The following FAM117A variants were observed in gnomAD, a reference collection of about 807,000 sequenced individuals.
The protein encoded by FAM117A is protein FAM117A.
Under a neutral mutation model 44.1 loss-of-function variants are expected in FAM117A, and 21 were observed. The ratio of observed to expected loss-of-function variants is 0.48; its 90% CI spans 0.34 to 0.69. FAM117A has a LOEUF of 0.69. Ranked by LOEUF, FAM117A falls within the 30% of genes least tolerant of loss-of-function variation. The pLI is 0.01. For synonymous variants in FAM117A, 220 were observed against 238.3 expected (o/e 0.92, Z 0.71); for missense variants, 498 against 589.9 (o/e 0.84, Z 1.61).
Position 49,737,476 on chromosome 17 carries a change from A to G in FAM117A, c.197-4756T>C, listed in dbSNP as rs190418441. ...GCAAGTGATTGGCATAAGGGGTAGG[A>G]TCTCATAATCCTAAAGGCTGCTTCA... is the stretch of plus-strand genomic sequence containing the variant. On this transcript the variant is annotated intron_variant, in intron 1 of 7. Coordinates refer to ENST00000240364, the MANE Select transcript of FAM117A (RefSeq NM_030802.4). Among the ~76,000 whole-genome samples the G allele has an allele frequency of 3.7e-3, 558 of 152,308 alleles. 6 individuals are homozygous for G. Among genetic ancestry groups the G allele is most frequent in the African/African-American group, 0.013 (535 of 41,572 alleles).
At chr17:49,785,110 A>G (rs2073802007) in intron 1 of FAM117A, among the ~76,000 whole-genome samples, 4 of 152,254 alleles carry the variant, frequency 2.6e-5, no homozygotes, top group Admixed American at 1.3e-4. Context: ...CATGTCAGGA[A>G]CTGTGCAAAG....
intron 1 of FAM117A, among the ~76,000 whole-genome samples, chr17:49,774,790 C>A (rs1413219370): frequency 6.6e-6 from 1 of 152,150 alleles, no homozygotes; most frequent in Admixed American, 6.5e-5. Flanking sequence ...TTGATGCTAA[C>A]GGTCCTGCAG....
At chr17:49,741,271 GTTTT>G (rs925346350) in intron 1 of FAM117A, among the ~76,000 whole-genome samples, 1 of 152,048 alleles carries the variant, frequency 6.6e-6, no homozygotes, top group African/African-American at 2.4e-5. Context: ...CATTTCCCCT[GTTTT>G]TTGTTTTTAT....
chr17:49,728,078 G>C (rs1015756597), intron 2 of FAM117A, among the ~76,000 whole-genome samples: 1 of 152,264 alleles, frequency 6.6e-6, no homozygotes, highest in African/African-American at 2.4e-5. Context: ...TGGCCCTACA[G>C]TGACTATGCA....
intron 1 of FAM117A, among the ~76,000 whole-genome samples, chr17:49,763,348 G>C (rs1165855542): frequency 6.6e-6 from 1 of 152,078 alleles, no homozygotes; most frequent in East Asian, 1.9e-4. Context: ...GGCATAAAGG[G>C]AAGCGCACGT....
chr17:49,736,117 T>C (rs1804570457), intron 1 of FAM117A, among the ~76,000 whole-genome samples: 2 of 152,240 alleles, frequency 1.3e-5, no homozygotes, highest in African/African-American at 2.4e-5. Flanking sequence ...CTTTACAATT[T>C]AAAATGGGAT....
At chr17:49,723,863 C>T (rs557378883) in intron 2 of FAM117A, among the ~76,000 whole-genome samples, 14 of 152,182 alleles carry the variant, frequency 9.2e-5, no homozygotes, top group Admixed American at 7.9e-4. Context: ...CGCAACATAG[C>T]CAGGGTGAGA....
intron 1 of FAM117A, among the ~76,000 whole-genome samples, chr17:49,750,496 C>T (rs754331154): frequency 6.6e-6 from 1 of 151,300 alleles, no homozygotes; most frequent in Admixed American, 6.6e-5. Context: ...TATTACTGGC[C>T]GGGCATGGTG....
At chr17:49,780,437 G>C (rs1485065375) in intron 1 of FAM117A, among the ~76,000 whole-genome samples, 1 of 152,172 alleles carries the variant, frequency 6.6e-6, no homozygotes, top group African/African-American at 2.4e-5. Context: ...GGTAAGGGCA[G>C]TGGCGTGATC....
At chr17:49,751,564 G>A (rs1212623744) in intron 1 of FAM117A, among the ~76,000 whole-genome samples, 1 of 151,886 alleles carries the variant, frequency 6.6e-6, no homozygotes, top group Non-Finnish European at 1.5e-5. Flanking sequence ...TGGCAACAGA[G>A]TGAGACTCGG....
chr17:49,774,298 G>A (rs1004824995), intron 1 of FAM117A, among the ~76,000 whole-genome samples: 2 of 150,942 alleles, frequency 1.3e-5, no homozygotes, highest in African/African-American at 2.4e-5. Context: ...ACAGGCAGTC[G>A]CCACACCTGG....
chr17:49,730,405 C>T (rs1175570812), intron 2 of FAM117A, among the ~76,000 whole-genome samples: 1 of 152,230 alleles, frequency 6.6e-6, no homozygotes, highest in Non-Finnish European at 1.5e-5. Flanking sequence ...GGGCCCATGC[C>T]TCTAAACTCA....
intron 1 of FAM117A, among the ~76,000 whole-genome samples, chr17:49,782,293 C>T (rs913044368): frequency 1.4e-5 from 2 of 140,866 alleles, no homozygotes; most frequent in African/African-American, 5.3e-5. Context: ...AGGAAAATGG[C>T]ATGAACCTGG....
intron 1 of FAM117A, among the ~76,000 whole-genome samples, chr17:49,733,534 G>A (rs1204793741): frequency 2.0e-5 from 3 of 152,000 alleles, no homozygotes; most frequent in African/African-American, 4.8e-5. Flanking sequence ...TTAGCCGGGC[G>A]TGGTGGAGGG....
Position 49,763,975 on chromosome 17 carries a change from CG to C in FAM117A, c.112del (p.Arg38GlyfsTer93), listed in dbSNP as rs1328755906. 5 of 1,222,250 alleles carry C rather than the reference CG, an allele frequency of 4.1e-6. No individual in the cohort carries two copies. Among genetic ancestry groups the C allele is most frequent in the Non-Finnish European group, 4.1e-6 (4 of 982,268 alleles). The allele number at this position is 1,222,250 out of a possible 1,614,324, so 75.7% of individuals were successfully genotyped here. A position where few individuals can be genotyped will look rare whatever the true frequency, so the allele number is the denominator to read the frequency against. On this transcript the variant is annotated frameshift_variant, in exon 1 of 8. Transcript: ENST00000240364. LOFTEE classifies it high-confidence loss of function. ...GGCCCTGAGCGGCTGCAGCCCAGCCCGGGGGGAGCCGGCGGGGGCTGGGGGA... is the reference window on the plus strand; with the variant it reads ...GGCCCTGAGCGGCTGCAGCCCAGCCCGGGGGAGCCGGCGGGGGCTGGGGGA... ...CSPPAPAGSP[R>X]AGLQPLRATI...
intron 2 of FAM117A, among the ~76,000 whole-genome samples, chr17:49,728,621 T>C (rs2073570786): frequency 6.6e-6 from 1 of 152,052 alleles, no homozygotes; most frequent in Non-Finnish European, 1.5e-5. Context: ...ATTCCAGCTG[T>C]GATGAGACCA....
chr17:49,781,718 T>C (rs1744318534), intron 1 of FAM117A, among the ~76,000 whole-genome samples: 1 of 152,194 alleles, frequency 6.6e-6, no homozygotes, highest in African/African-American at 2.4e-5. Flanking sequence ...GGCTCAGGCT[T>C]GTAATCCTAG....
chr17:49,751,299 A>AAAG (rs1362232193), intron 1 of FAM117A, among the ~76,000 whole-genome samples: 1 of 148,744 alleles, frequency 6.7e-6, no homozygotes, highest in Admixed American at 6.7e-5. Flanking sequence ...AAAAAAAAAA[A>AAAG]GCCGGGCGCG....
intron 1 of FAM117A, among the ~76,000 whole-genome samples, chr17:49,762,727 G>T (rs1225858413): frequency 6.6e-6 from 1 of 152,206 alleles, no homozygotes; most frequent in Non-Finnish European, 1.5e-5. Context: ...TTTGGTAGAG[G>T]CTCCGGCTTT....
Sources: allele counts gnomAD v4.1 joint callset (sites outside exome capture counted in the v4.1 genomes callset), GRCh38; gene constraint gnomAD v4.1.1; transcripts MANE v1.5; gene names NCBI Gene and HGNC (gene_info 2026-07-23, HGNC 2026-07-21).